The following DCP1B variants were observed in gnomAD, a reference collection of about 807,000 sequenced individuals.
DCP1B encodes the protein mRNA-decapping enzyme 1B.
DCP1B carries 47 observed loss-of-function variants against 60.5 expected under a neutral mutation model. The observed-to-expected ratio is 0.78, with a 90% CI of 0.61 to 0.99. DCP1B has a LOEUF of 0.99. Ranked by LOEUF, DCP1B falls within the 50% of genes least tolerant of loss-of-function variation. The probability of loss-of-function intolerance (pLI) is 0.00; values close to 1 mark genes in which losing one functional copy is unlikely to be tolerated. For synonymous variants in DCP1B, 267 were observed against 280.3 expected, an observed-to-expected ratio of 0.95 and a Z score of 0.47; for missense variants, 725 against 756.8, an observed-to-expected ratio of 0.96 and a Z score of 0.49.
chr12:1,967,636 T>C (rs1327380826), intron 4 of DCP1B, among the ~76,000 whole-genome samples: 1 of 152,250 alleles, frequency 6.6e-6, no homozygotes, highest in Non-Finnish European at 1.5e-5. Context: ...TGAATCATTC[T>C]AGATGATAAA....
intron 3 of DCP1B, among the ~76,000 whole-genome samples, chr12:1,968,562 T>C (rs1041367256): frequency 3.9e-5 from 6 of 152,142 alleles, no homozygotes; most frequent in Non-Finnish European, 7.4e-5. Context: ...GGCTGCGAGA[T>C]AGCATTGTTT....
chr12:1,996,683 A>G (rs2041003897), intron 2 of DCP1B, among the ~76,000 whole-genome samples: 1 of 141,908 alleles, frequency 7.0e-6, no homozygotes, highest in Non-Finnish European at 1.5e-5. Context: ...GTTTTAAAGA[A>G]GTTTACGAAT....
intron 5 of DCP1B, among the ~76,000 whole-genome samples, chr12:1,956,916 C>T (rs1184409678): frequency 2.0e-5 from 3 of 152,200 alleles, no homozygotes; most frequent in African/African-American, 7.2e-5. Context: ...CCCAGCTTCC[C>T]TATGCCCATA....
intron 2 of DCP1B, among the ~76,000 whole-genome samples, chr12:1,994,330 C>G (rs1010647702): frequency 1.3e-5 from 2 of 152,184 alleles, no homozygotes; most frequent in South Asian, 4.1e-4. Flanking sequence ...TTATGAGCAA[C>G]AGGAAGACAA....
rs1319495727 is a variant in DCP1B, at chr12:1,952,971, A to T, written c.969T>A (p.Ser323=). The T allele has an allele frequency of 1.2e-6, 2 of 1,614,060 alleles. No individual in the cohort carries two copies. Among genetic ancestry groups the T allele is most frequent in the Non-Finnish European group, 1.7e-6 (2 of 1,180,018 alleles). Residue 323 remains serine, a synonymous_variant, in exon 7 of 9, where the codon TCT becomes TCA. Transcript: ENST00000280665. ...CAGGTCCTGTAAAAAATTCTCCCGC[A>T]GAATGGGTACTGCCATTTTCACAAG... ...NRPCENGSTH[S]AGEFFTGPVQ... is the part of the protein sequence containing the mutation.
intron 3 of DCP1B, among the ~76,000 whole-genome samples, chr12:1,979,168 G>A (rs547649585): frequency 1.1e-4 from 17 of 152,212 alleles, no homozygotes; most frequent in Admixed American, 4.6e-4. Flanking sequence ...GCCCGCCATC[G>A]AGCCTGGCTA....
rs972292639 is a variant in DCP1B, at chr12:1,962,175, A to T, written c.522+3383T>A. Among the ~76,000 whole-genome samples, 3 of 152,190 alleles carry T rather than the reference A, an allele frequency of 2.0e-5. No individual in the cohort carries two copies. Among genetic ancestry groups the T allele is most frequent in the African/African-American group, 7.2e-5 (3 of 41,444 alleles). On this transcript the variant is annotated intron_variant, in intron 5 of 8. Coordinates refer to ENST00000280665, the MANE Select transcript of DCP1B (RefSeq NM_152640.5). The surrounding 1 kb of genome is among the most constrained non-coding windows in gnomAD (Gnocchi z 4.4). ...ACTCCAGCAGGCTCTAAACTGTATG[A>T]GTGGTCCCCAGTTGCTGGGTACCTG...
intron 3 of DCP1B, among the ~76,000 whole-genome samples, chr12:1,972,457 T>C (rs762964911): frequency 6.6e-6 from 1 of 152,176 alleles, no homozygotes; most frequent in African/African-American, 2.4e-5. Flanking sequence ...ACACAGCTAC[T>C]AGGCATTTGA....
At chr12:1,989,260 C>T (rs2038703272) in intron 3 of DCP1B, among the ~76,000 whole-genome samples, 1 of 152,166 alleles carries the variant, frequency 6.6e-6, no homozygotes, top group African/African-American at 2.4e-5. Context: ...CGGTTTAGCC[C>T]AGGAGTTCAA....
At chr12:1,968,338 G>C (rs1467717706) in intron 3 of DCP1B, among the ~76,000 whole-genome samples, 2 of 150,196 alleles carry the variant, frequency 1.3e-5, no homozygotes, top group East Asian at 3.9e-4. Context: ...GATGAAAAGA[G>C]GGAAACTCTG....
rs200280881 is a variant in DCP1B at position 1,953,190 on chromosome 12, G to A, written c.750C>T (p.Leu250=). ...GCTGCTGCTGCTGCTGCTGCTGGTG[G>A]AGAGTCTGCGGAGGCTCCACAGTTT... The part of the protein sequence containing the change: ...CQETVEPPQT[L]HQQQQQQQQQ... The change falls in exon 7 of 9, where the codon CTC becomes CTT. Residue 250 remains leucine, a synonymous_variant. Transcript: ENST00000280665. 1.2e-4 allele frequency: 187 copies of A among 1,610,414 alleles called. No individual in the cohort carries two copies. Among genetic ancestry groups the A allele is most frequent in the Non-Finnish European group, 1.5e-4 (178 of 1,179,564 alleles).
downstream of DCP1B, among the ~76,000 whole-genome samples, chr12:1,945,141 A>G (rs1289139537): frequency 6.6e-6 from 1 of 152,236 alleles, no homozygotes; most frequent in Non-Finnish European, 1.5e-5. Flanking sequence ...ACACTTCTCA[A>G]AAGAAGACAT....
chr12:2,004,412 C>G lies in DCP1B; in HGVS notation c.20G>C (p.Gly7Ala), dbSNP rs1042503732. Residue 7 changes from glycine (G) to alanine (A), a missense_variant, in exon 1 of 9, where the codon GGC (glycine) becomes GCC (alanine). By Grantham distance (60) the Gly-to-Ala change is moderately conservative. Coordinates refer to ENST00000280665, the MANE Select transcript of DCP1B (RefSeq NM_152640.5). The part of the protein sequence containing the change: MAAVAA[G>A]GLVGKGRDIS... ...GTCGCGCCCCTTTCCCACCAGGCCGCCTGCCGCCACGGCTGCCATCTTCCC... is the reference window on the plus strand; with the variant it reads ...GTCGCGCCCCTTTCCCACCAGGCCGGCTGCCGCCACGGCTGCCATCTTCCC... The G allele has an allele frequency of 6.2e-7, 1 of 1,610,746 alleles. No homozygotes were observed. Among genetic ancestry groups the G allele is most frequent in the Admixed American group, 1.7e-5 (1 of 59,890 alleles).
chr12:1,993,470 G>A, intron 2 of DCP1B, 79 bp from the exon 3 acceptor site: 1 of 1,530,244 alleles, frequency 6.5e-7, no homozygotes, highest in Non-Finnish European at 8.8e-7. Flanking sequence ...AGTACATTCT[G>A]ATGTGTCTCT....
chr12:1,974,048 C>T (rs896801385), intron 3 of DCP1B, among the ~76,000 whole-genome samples: 2 of 152,176 alleles, frequency 1.3e-5, no homozygotes, highest in African/African-American at 2.4e-5. Context: ...TCTGTTCCCT[C>T]CACTAGACTA....
intron 5 of DCP1B, among the ~76,000 whole-genome samples, chr12:1,961,742 T>A (rs1467035804): frequency 1.3e-5 from 2 of 152,208 alleles, no homozygotes; most frequent in Non-Finnish European, 2.9e-5. Context: ...AAAAGTGTCA[T>A]TTTTACTAAG....
chr12:1,979,257 G>A (rs570124551), intron 3 of DCP1B, among the ~76,000 whole-genome samples: 34 of 152,098 alleles, frequency 2.2e-4, no homozygotes, highest in African/African-American at 6.0e-4. Flanking sequence ...CAGGTGATCC[G>A]CCTGCTTCGG....
At chr12:1,993,243 A>G (rs199566881) in intron 3 of DCP1B, 21 bp downstream of exon 3, 14 of 1,614,026 alleles carry the variant, frequency 8.7e-6, no homozygotes, top group Admixed American at 6.7e-5. Flanking sequence ...AAAACAACCC[A>G]CTGTAGTAAG....
intron 5 of DCP1B, 52 bp downstream of exon 5, chr12:1,965,506 C>T: frequency 1.3e-6 from 2 of 1,528,200 alleles, no homozygotes; most frequent in Admixed American, 4.1e-5. Flanking sequence ...CAAGAATATT[C>T]CCACTGCGGA....
Sources: gnomAD v4.1 joint callset for allele counts (sites outside exome capture counted in the v4.1 genomes callset) on GRCh38, gnomAD v4.1.1 for gene constraint, Gnocchi (gnomAD v3.1) non-coding constraint, MANE v1.5 for transcripts, NCBI Gene and HGNC (gene_info 2026-07-23, HGNC 2026-07-21) for gene names.